Variants in RABGAP1L observed in about 807,000 individuals in gnomAD.
RABGAP1L encodes the protein RAB GTPase activating protein 1 like.
In RABGAP1L, 63 loss-of-function variants were observed where a neutral mutation model predicts 137.7. The observed-to-expected ratio is 0.46, with a 90% confidence interval of 0.37 to 0.56. The LOEUF (loss-of-function observed/expected upper bound fraction) is 0.56, where lower values mean the gene tolerates loss of function less well. Among genes scored for constraint, RABGAP1L ranks in the 20% least tolerant of loss-of-function variants. The pLI is 0.00. For missense variants in RABGAP1L, 1,095 were observed against 1,244.0 expected (o/e 0.88, Z 1.80); for synonymous variants, 431 against 433.7 (o/e 0.99, Z 0.08).
intron 20 of RABGAP1L, among the ~76,000 whole-genome samples, chr1:174,968,861 T>A (rs1669888170): frequency 6.6e-6 from 1 of 152,212 alleles, no homozygotes; most frequent in African/African-American, 2.4e-5. Context: ...GTCTGGTGGT[T>A]TTCCCCTGTT....
chr1:174,400,047 C>T (rs1648370612), intron 13 of RABGAP1L, among the ~76,000 whole-genome samples: 1 of 152,122 alleles, frequency 6.6e-6, no homozygotes, highest in South Asian at 2.1e-4. Context: ...TTTGAACCCA[C>T]AAATCACATT....
intron 11 of RABGAP1L, among the ~76,000 whole-genome samples, chr1:174,369,285 G>C (rs1383172237): frequency 2.0e-5 from 3 of 152,104 alleles, no homozygotes; most frequent in East Asian, 3.9e-4. Context: ...GGCCTCCCAG[G>C]CTCAAGTGAT....
intron 19 of RABGAP1L, among the ~76,000 whole-genome samples, chr1:174,863,113 C>T (rs759566924): frequency 5.4e-5 from 8 of 149,222 alleles, no homozygotes; most frequent in Non-Finnish European, 1.2e-4. Flanking sequence ...AGGCTGATCT[C>T]GAATTCCTGA....
At chr1:174,618,345 T>A (rs1043975813) in intron 13 of RABGAP1L, among the ~76,000 whole-genome samples, 3 of 152,124 alleles carry the variant, frequency 2.0e-5, no homozygotes, top group African/African-American at 7.2e-5. Flanking sequence ...GACTGCCTCC[T>A]CAAGTGGGTC....
intron 7 of RABGAP1L, among the ~76,000 whole-genome samples, chr1:174,261,650 T>C (rs1386638478): frequency 6.6e-6 from 1 of 152,194 alleles, no homozygotes; most frequent in Non-Finnish European, 1.5e-5. Flanking sequence ...AGAATTTGAA[T>C]TGTTTATTAT....
At chr1:174,769,422 G>A (rs1031657809) in intron 18 of RABGAP1L, among the ~76,000 whole-genome samples, 1 of 152,168 alleles carries the variant, frequency 6.6e-6, no homozygotes, top group African/African-American at 2.4e-5. Flanking sequence ...TAATAGTGAT[G>A]TTATCTACAG....
At chr1:174,484,048 T>C (rs1659395735) in intron 13 of RABGAP1L, among the ~76,000 whole-genome samples, 1 of 152,156 alleles carries the variant, frequency 6.6e-6, no homozygotes, top group Admixed American at 6.5e-5. Flanking sequence ...TTCCCTTTTC[T>C]CCACATCCTC....
chr1:174,233,835 C>G (rs1245583092), intron 4 of RABGAP1L, among the ~76,000 whole-genome samples: 1 of 111,272 alleles, frequency 9.0e-6, no homozygotes. Context: ...CCTGAGGAAT[C>G]GCCACACTGA....
intron 19 of RABGAP1L, among the ~76,000 whole-genome samples, chr1:174,939,272 T>C (rs1348420640): frequency 6.6e-6 from 1 of 152,174 alleles, no homozygotes; most frequent in East Asian, 1.9e-4. Flanking sequence ...AAATGAATTT[T>C]GGGCCAGGTG....
chr1:174,657,324 A>G (rs1676038667), intron 14 of RABGAP1L, among the ~76,000 whole-genome samples: 2 of 152,186 alleles, frequency 1.3e-5, no homozygotes, highest in African/African-American at 4.8e-5. Context: ...CTACAGTGCT[A>G]TAGAACACTA....
chr1:174,321,969 T>A (rs1395748137), intron 11 of RABGAP1L, among the ~76,000 whole-genome samples: 1 of 147,938 alleles, frequency 6.8e-6, no homozygotes, highest in Non-Finnish European at 1.5e-5. Flanking sequence ...TTATTAGAGT[T>A]CTTTATATAT....
At chr1:174,325,884 G>C (rs893903990) in intron 11 of RABGAP1L, among the ~76,000 whole-genome samples, 6 of 152,326 alleles carry the variant, frequency 3.9e-5, no homozygotes, top group African/African-American at 1.4e-4. Context: ...ACATTCCACA[G>C]ATCCTCTGGA....
rs543812261 is a variant in RABGAP1L, at chr1:174,906,545, T to C, written c.2341-50912T>C. Among the ~76,000 whole-genome samples, 5 of 152,170 alleles carry C rather than the reference T, an allele frequency of 3.3e-5. No individual in the cohort carries two copies. In the South Asian group the frequency reaches 8.3e-4, roughly 25 times the overall value. On this transcript the variant is annotated intron_variant, in intron 19 of 25. Transcript: ENST00000681986. ...GGGGAGGGTGAGGCAGGAAAATTGC[T>C]GGAATCTGGGAGGCAGAGGTTGCAG... is the stretch of plus-strand genomic sequence containing the variant.
chr1:174,524,394 T>C (rs1305136142), intron 13 of RABGAP1L, among the ~76,000 whole-genome samples: 1 of 152,146 alleles, frequency 6.6e-6, no homozygotes, highest in Non-Finnish European at 1.5e-5. Flanking sequence ...TGCATTTCCC[T>C]AATGATTAGT....
At chr1:174,912,618 CAATCTT>C (rs1389289893) in intron 19 of RABGAP1L, among the ~76,000 whole-genome samples, 3 of 152,168 alleles carry the variant, frequency 2.0e-5, no homozygotes, top group African/African-American at 7.2e-5. Context: ...AAATGTGTGT[CAATCTT>C]AGATGAGGCT....
At chr1:174,937,447 G>A (rs995650336) in intron 19 of RABGAP1L, among the ~76,000 whole-genome samples, 56 of 147,180 alleles carry the variant, frequency 3.8e-4, no homozygotes, top group African/African-American at 1.3e-3. Flanking sequence ...ACCACACCCC[G>A]CTGATTTTTT....
intron 13 of RABGAP1L, among the ~76,000 whole-genome samples, chr1:174,533,252 A>G (rs1175395867): frequency 1.3e-5 from 2 of 152,150 alleles, no homozygotes; most frequent in African/African-American, 4.8e-5. Flanking sequence ...ATAAGCAAAC[A>G]AATATAATGG....
chr1:174,616,236 T>C (rs1268332929), intron 13 of RABGAP1L, among the ~76,000 whole-genome samples: 1 of 152,084 alleles, frequency 6.6e-6, no homozygotes, highest in Non-Finnish European at 1.5e-5. Flanking sequence ...CCCGTTGGTA[T>C]GCGGTTTGCT....
rs189936578 is a variant in RABGAP1L at position 174,699,048 on chromosome 1, G to T, written c.1900-477G>T. Among the ~76,000 whole-genome samples, 15 of 151,290 alleles carry T rather than the reference G, an allele frequency of 9.9e-5. 1 individual carries two copies. The highest frequency in any genetic ancestry group is 9.2e-4 in the Admixed American group (14 of 15,178). Reference sequence around the variant, plus strand: ...CTCGCTCTGTCACCCATGCTGTAATGCAGTGACGTGATTTTGCTCACTGCA... The same window carrying T: ...CTCGCTCTGTCACCCATGCTGTAATTCAGTGACGTGATTTTGCTCACTGCA... On this transcript the variant is annotated intron_variant, in intron 15 of 25. Coordinates refer to ENST00000681986, the MANE Select transcript of RABGAP1L (RefSeq NM_001366446.1).
Sources: allele counts gnomAD v4.1 joint callset (sites outside exome capture counted in the v4.1 genomes callset), GRCh38; gene constraint gnomAD v4.1.1; transcripts MANE v1.5; gene names NCBI Gene and HGNC (gene_info 2026-07-23, HGNC 2026-07-21).